ATAD5: variants seen among roughly 807,000 people sequenced by gnomAD.
ATAD5 encodes ATPase family AAA domain containing 5, also known as ATPase family AAA domain-containing protein 5.
A neutral mutation model predicts 176.9 loss-of-function variants in ATAD5; 58 were observed. That is an observed-to-expected ratio of 0.33 (90% CI 0.27 to 0.41). The LOEUF (loss-of-function observed/expected upper bound fraction) is 0.41. Among genes scored for constraint, ATAD5 ranks in the 10% least tolerant of loss-of-function variants. ATAD5 has a pLI of 1.00. For synonymous variants in ATAD5, 640 were observed against 712.6 expected (o/e 0.90, Z 1.62); for missense variants, 1,789 against 2,094.1 (o/e 0.85, Z 2.84).
intron 6 of ATAD5, among the ~76,000 whole-genome samples, chr17:30,850,899 T>TTTG (rs1567683812): frequency 1.7e-5 from 1 of 60,336 alleles, no homozygotes; most frequent in Non-Finnish European, 3.4e-5. Flanking sequence ...TTTTTTTTTT[T>TTTG]TTTGAGATAG....
intron 12 of ATAD5, 76 bp downstream of exon 12, chr17:30,868,488 A>G (rs1597981409): frequency 5.4e-6 from 5 of 932,692 alleles, no homozygotes; most frequent in Admixed American, 3.7e-5. Context: ...AAAACTTTCT[A>G]TAAAATTTCT....
At chr17:30,876,701 CCTTTTTTT>C in intron 15 of ATAD5, 151 bp downstream of exon 15, 1 of 207,584 alleles carries the variant, frequency 4.8e-6, no homozygotes. Flanking sequence ...TATTTTGTTT[CCTTTTTTT>C]TTTTTTTTTT....
chr17:30,893,950 A>G lies in ATAD5; in HGVS notation c.5097A>G (p.Gly1699=), dbSNP rs1419808285. The G allele has an allele frequency of 1.2e-6, 2 of 1,613,958 alleles. No homozygotes were observed. Among genetic ancestry groups the G allele is most frequent in the African/African-American group, 1.3e-5 (1 of 74,928 alleles). Residue 1699 remains glycine, a synonymous_variant, in exon 21 of 23, where the codon GGA becomes GGG. Transcript: ENST00000321990. The stretch of plus-strand genomic sequence containing the variant: ...AGTTTAGTCTTGAGAGTAATGATGG[A>G]TGGACTTCTCAAAGCTCTGGAGAAT... ...CDEFSLESND[G]WTSQSSGELK... is the part of the protein sequence containing the mutation.
chr17:30,884,431 T>C lies in ATAD5; in HGVS notation c.4078-2761T>C, dbSNP rs1347523800. Among the ~76,000 whole-genome samples, 129 of 137,718 alleles carry C rather than the reference T, an allele frequency of 9.4e-4. 1 individual carries two copies. The highest frequency in any genetic ancestry group is 3.2e-3 in the African/African-American group (117 of 36,388). 90.3% of individuals were successfully genotyped at this position (137,718 alleles called of 152,430 possible). ...TTATATTTCTTTTCTTTTCTTTTTT[T>C]TTTTTTTTTTTTTTTGAGATGTAGT... On this transcript the variant is annotated intron_variant, in intron 18 of 22. Transcript: ENST00000321990.
rs940691951 is a variant in ATAD5 at position 30,831,967 on chromosome 17, C to T, written c.-381C>T. ...AAGCAGCCGTAAACTCCGCCCCTTG[C>T]GCGCAGGACGGCGCGAAAACCCAAT... On this transcript the variant is annotated 5_prime_UTR_variant, in exon 1 of 23. Transcript: ENST00000321990. 3.4e-6 allele frequency: 1 copy of T among 298,048 alleles called. No homozygotes were observed. The allele number at this position is 298,048 out of a possible 1,614,324, so 18.5% of individuals were successfully genotyped here. A position where few individuals can be genotyped will look rare whatever the true frequency, so the allele number is the denominator to read the frequency against.
intron 9 of ATAD5, among the ~76,000 whole-genome samples, chr17:30,860,023 CTATT>C (rs1907529127): frequency 1.3e-5 from 2 of 150,284 alleles, no homozygotes; most frequent in African/African-American, 2.4e-5. Context: ...CGCGCCTGGC[CTATT>C]TATTTATTTT....
At chr17:30,868,042 C>T (rs1254010531) in intron 11 of ATAD5, among the ~76,000 whole-genome samples, 32 of 152,204 alleles carry the variant, frequency 2.1e-4, no homozygotes, top group Admixed American at 2.1e-3. Flanking sequence ...TATTCTTACA[C>T]ATATAGTCTT....
intron 9 of ATAD5, among the ~76,000 whole-genome samples, chr17:30,859,186 A>G (rs1402482043): frequency 6.6e-6 from 1 of 152,246 alleles, no homozygotes; most frequent in Admixed American, 6.5e-5. Context: ...AATCCCCGCC[A>G]GTTTCCAAAA....
chr17:30,848,529 G>A (rs1367652116), intron 6 of ATAD5, among the ~76,000 whole-genome samples: 1 of 152,154 alleles, frequency 6.6e-6, no homozygotes, highest in African/African-American at 2.4e-5. Context: ...AAAGTGTTGG[G>A]ATTACAGGCG....
At chr17:30,832,456 T>G (rs757460638) in intron 1 of ATAD5, 43 bp downstream of exon 1, 34 of 1,449,300 alleles carry the variant, frequency 2.3e-5, no homozygotes, top group Non-Finnish European at 2.8e-5. Context: ...TCCTCTATCT[T>G]TTGGGGGATT....
At chr17:30,874,756 G>A (rs552341601) in intron 14 of ATAD5, among the ~76,000 whole-genome samples, 27 of 150,526 alleles carry the variant, frequency 1.8e-4, no homozygotes, top group Middle Eastern at 3.4e-3. Flanking sequence ...TCAGCCTCCC[G>A]AGTAGCTGGG....
rs146216723 is a variant in ATAD5 at position 30,843,916 on chromosome 17, T to C, written c.2245T>C (p.Ser749Pro). Reference protein sequence around the residue: ...ERKKLSETEDSVIIIDSSPTA... With the variant: ...ERKKLSETEDPVIIIDSSPTA... ...TTATTCTCTTATTTTGTCTTAGGATTCTGTTATAATAATAGATTCAAGTCC... is the reference window on the plus strand; with the variant it reads ...TTATTCTCTTATTTTGTCTTAGGATCCTGTTATAATAATAGATTCAAGTCC... The change falls in exon 5 of 23, where the codon TCT becomes CCT. Residue 749 changes from serine to proline, a missense_variant. Ser to Pro is a moderately conservative substitution (Grantham distance 74). Around this residue, in one of 6 missense-constraint regions of ATAD5, gnomAD observed 487 missense variants for 573.6 expected, o/e 0.85. Transcript: ENST00000321990. The C allele has an allele frequency of 3.0e-4, 407 of 1,362,450 alleles. No individual in the cohort carries two copies. Among genetic ancestry groups the C allele is most frequent in the Non-Finnish European group, 3.7e-4 (376 of 1,006,446 alleles). The allele number at this position is 1,362,450 out of a possible 1,614,324, so 84.4% of individuals were successfully genotyped here. A position where few individuals can be genotyped will look rare whatever the true frequency, so the allele number is the denominator to read the frequency against.
chr17:30,878,175 A>G, intron 17 of ATAD5, 79 bp downstream of exon 17: 1 of 946,692 alleles, frequency 1.1e-6, no homozygotes, highest in Non-Finnish European at 1.6e-6. Context: ...AATTATAATT[A>G]ACTCACAAAT....
At chr17:30,870,331 T>C (rs1352223099) in intron 14 of ATAD5, among the ~76,000 whole-genome samples, 1 of 152,232 alleles carries the variant, frequency 6.6e-6, no homozygotes, top group Non-Finnish European at 1.5e-5. Context: ...GAGTCATTTG[T>C]CATGAAATTC....
At chr17:30,832,920 AGTGTAACAT>A (rs1905470243) in intron 1 of ATAD5, among the ~76,000 whole-genome samples, 1 of 152,248 alleles carries the variant, frequency 6.6e-6, no homozygotes, top group African/African-American at 2.4e-5. Context: ...TAGGAATCGC[AGTGTAACAT>A]GTTCTTTTGG....
chr17:30,885,623 CTTTTTTTTT>C (rs778733612), intron 18 of ATAD5, among the ~76,000 whole-genome samples: 45 of 93,800 alleles, frequency 4.8e-4, no homozygotes, highest in South Asian at 1.8e-3. Context: ...TTCCAACTTT[CTTTTTTTTT>C]TTTTTTTTTT....
At chr17:30,855,924 T>G (rs924162470) in intron 7 of ATAD5, among the ~76,000 whole-genome samples, 1 of 152,152 alleles carries the variant, frequency 6.6e-6, no homozygotes, top group Non-Finnish European at 1.5e-5. Context: ...AGCTAGTCTT[T>G]TCAGTAATTT....
intron 16 of ATAD5, 63 bp from the exon 17 acceptor site, chr17:30,877,940 A>T: frequency 8.9e-7 from 1 of 1,125,114 alleles, no homozygotes; most frequent in Non-Finnish European, 1.3e-6. Context: ...TAGAATATTT[A>T]CTATGTATAC....
intron 15 of ATAD5, 80 bp from the exon 16 acceptor site, chr17:30,877,336 T>C (rs1363959383): frequency 1.0e-6 from 1 of 1,001,394 alleles, no homozygotes. Context: ...TGGATTTCAG[T>C]TTGAGCTTAT....
Sources: gnomAD v4.1 joint callset for allele counts (sites outside exome capture counted in the v4.1 genomes callset) on GRCh38, gnomAD v4.1.1 for gene constraint, gnomAD v4.1.1 regional missense constraint, MANE v1.5 for transcripts, NCBI Gene and HGNC (gene_info 2026-07-23, HGNC 2026-07-21) for gene names.